The following RSL1D1 variants were observed in gnomAD, a reference collection of about 807,000 sequenced individuals.
The protein encoded by RSL1D1 is ribosomal L1 domain containing 1.
RSL1D1 carries 34 observed loss-of-function variants against 44.6 expected under a neutral mutation model. The ratio of observed to expected loss-of-function variants is 0.76; its 90% CI spans 0.58 to 1.02. RSL1D1 has a LOEUF of 1.02. Ranked by LOEUF, RSL1D1 falls within the 50% of genes least tolerant of loss-of-function variation. The pLI is 0.00. For synonymous variants in RSL1D1, 271 were observed against 207.4 expected (o/e 1.31, Z -2.63); for missense variants, 767 against 568.1 (o/e 1.35, Z -3.56).
At chr16:11,849,791 A>C (rs1315270175) in intron 2 of RSL1D1, among the ~76,000 whole-genome samples, 1 of 152,210 alleles carries the variant, frequency 6.6e-6, no homozygotes, top group Non-Finnish European at 1.5e-5. Flanking sequence ...GCTCTAAGAA[A>C]ACTGGTGAAA....
At chr16:11,838,224 G>A (rs565584325) in intron 8 of RSL1D1, 111 bp from the exon 9 acceptor site, 17 of 942,004 alleles carry the variant, frequency 1.8e-5, no homozygotes, top group Non-Finnish European at 2.3e-5. Context: ...ACTGAGTTTC[G>A]CTCTTGCTGC....
rs1170110934 is a variant in RSL1D1 at position 11,836,204 on chromosome 16, T to C, written c.*1583A>G. The C allele has an allele frequency of 6.6e-6, 1 of 152,212 alleles. No homozygotes were observed. Among genetic ancestry groups the C allele is most frequent in the Non-Finnish European group, 1.5e-5 (1 of 68,050 alleles). 9.4% of individuals were successfully genotyped at this position (152,212 alleles called of 1,614,324 possible). ...TGTGGGCTCCCAGAGCTCACGGCCT[T>C]CACAGCCTCCACCATCCCGATGGTC... On this transcript the variant is annotated 3_prime_UTR_variant, in exon 9 of 9. Transcript: ENST00000571133.
rs1000491676 is a variant in RSL1D1 at position 11,835,846 on chromosome 16, G to A, written c.*1941C>T. On this transcript the variant is annotated 3_prime_UTR_variant, in exon 9 of 9. Transcript: ENST00000571133. Reference sequence around the variant, plus strand: ...AGTCTTGGAATATGTCCAGGGTCAAGGGTCTAAAACCCCTTGTGGTCTTTG... The same window carrying A: ...AGTCTTGGAATATGTCCAGGGTCAAAGGTCTAAAACCCCTTGTGGTCTTTG... 1.4e-4 allele frequency: 21 copies of A among 152,226 alleles called. No individual in the cohort carries two copies. The highest frequency in any genetic ancestry group is 4.8e-4 in the African/African-American group (20 of 41,454). The allele number at this position is 152,226 out of a possible 1,614,324, so 9.4% of individuals were successfully genotyped here.
At chr16:11,849,170 G>C (rs1037638279) in intron 2 of RSL1D1, 1 of 152,230 alleles carries the variant, frequency 6.6e-6, no homozygotes, top group Non-Finnish European at 1.5e-5. Context: ...AGGACTGCTT[G>C]AGCCTGAGTT....
intron 1 of RSL1D1, 145 bp downstream of exon 1, chr16:11,851,263 G>C: frequency 3.9e-6 from 3 of 761,770 alleles, no homozygotes; most frequent in East Asian, 2.6e-5. Context: ...GTAAAGGGGA[G>C]AGACAGCTGA....
At chr16:11,851,365 C>T in intron 1 of RSL1D1, 43 bp downstream of exon 1, 1 of 1,583,166 alleles carries the variant, frequency 6.3e-7, no homozygotes, top group South Asian at 1.1e-5. Context: ...CACGAGGTAA[C>T]CGCCACACTG....
At position 11,851,269 on chromosome 16, in the gene RSL1D1, G is replaced by A. The variant is rs879071839; in HGVS notation, c.105+139C>T. ...CCCACGTGTGTAAAGGGGAGAGACA[G>A]CTGAGGCACACGGCCCGCCAGCGAC... is the stretch of plus-strand genomic sequence containing the variant. On this transcript the variant is annotated intron_variant, in intron 1 of 8. Coordinates refer to ENST00000571133, the MANE Select transcript of RSL1D1 (RefSeq NM_015659.3). 4 of 793,496 alleles carry A rather than the reference G, an allele frequency of 5.0e-6. No individual in the cohort carries two copies. The South Asian group carries it at 5.7e-5, about 11-fold the overall frequency. 49.2% of individuals were successfully genotyped at this position (793,496 alleles called of 1,614,324 possible).
intron 1 of RSL1D1, among the ~76,000 whole-genome samples, chr16:11,850,690 G>C (rs987111031): frequency 2.0e-5 from 3 of 152,152 alleles, no homozygotes; most frequent in African/African-American, 4.8e-5. Context: ...TAAAGAGATT[G>C]GGCTAGAGGG....
chr16:11,838,954 T>C (rs1265898746), intron 8 of RSL1D1, among the ~76,000 whole-genome samples: 2 of 151,618 alleles, frequency 1.3e-5, no homozygotes, highest in African/African-American at 2.4e-5. Context: ...GAGGGAATCC[T>C]GGAAGCACCA....
intron 8 of RSL1D1, among the ~76,000 whole-genome samples, chr16:11,839,376 C>G (rs998659634): frequency 1.4e-5 from 1 of 72,940 alleles, no homozygotes; most frequent in African/African-American, 6.0e-5. Flanking sequence ...CAAAAAAAAG[C>G]AAAGCAAAAA....
intron 8 of RSL1D1, among the ~76,000 whole-genome samples, chr16:11,839,141 G>C (rs928690651): frequency 6.6e-6 from 1 of 151,454 alleles, no homozygotes; most frequent in Non-Finnish European, 1.5e-5. Flanking sequence ...CAAGGCGGGC[G>C]GATCACCTGA....
At chr16:11,838,511 A>T (rs565292264) in intron 8 of RSL1D1, among the ~76,000 whole-genome samples, 1 of 151,946 alleles carries the variant, frequency 6.6e-6, no homozygotes, top group South Asian at 2.1e-4. Context: ...TTATTAGTTA[A>T]CCCCCAAAAG....
intron 2 of RSL1D1, among the ~76,000 whole-genome samples, 167 bp downstream of exon 2, chr16:11,850,112 C>T (rs1412464811): frequency 2.6e-5 from 4 of 152,190 alleles, no homozygotes; most frequent in Non-Finnish European, 2.9e-5. Context: ...CAGGTGTGAG[C>T]CACCACATCA....
At chr16:11,849,685 T>A (rs2053823524) in intron 2 of RSL1D1, among the ~76,000 whole-genome samples, 1 of 152,064 alleles carries the variant, frequency 6.6e-6, no homozygotes, top group African/African-American at 2.4e-5. Context: ...AATAAAAAAA[T>A]AAAATAAAAT....
intron 5 of RSL1D1, among the ~76,000 whole-genome samples, chr16:11,845,740 TAA>T (rs2053793177): frequency 6.6e-6 from 1 of 151,936 alleles, no homozygotes; most frequent in Non-Finnish European, 1.5e-5. Flanking sequence ...TTTTTTCATT[TAA>T]AGACAGTCTT....
intron 1 of RSL1D1, among the ~76,000 whole-genome samples, chr16:11,850,693 C>T (rs927393369): frequency 8.5e-5 from 13 of 152,172 alleles, no homozygotes; most frequent in Non-Finnish European, 1.5e-5. Flanking sequence ...AGAGATTGGG[C>T]TAGAGGGAAA....
rs376181021 is a variant in RSL1D1, at chr16:11,845,573, C to T, written c.635+928G>A. Among the ~76,000 whole-genome samples the T allele has an allele frequency of 1.6e-4, 25 of 152,312 alleles. No homozygotes were observed. The East Asian group carries it at 4.4e-3, about 27-fold the overall frequency. On this transcript the variant is annotated intron_variant, in intron 5 of 8. Transcript: ENST00000571133. The stretch of plus-strand genomic sequence containing the variant: ...GCCACATGTGCCTATTTTAAATTAA[C>T]TAAAAATTCAGCTTCTAACACAGTA...
rs1371193783 is a variant in RSL1D1 at position 11,836,189 on chromosome 16, C to T, written c.*1598G>A. On this transcript the variant is annotated 3_prime_UTR_variant, in exon 9 of 9. Transcript: ENST00000571133. ...ATTACCAATAAATAGTGTGGGCTCCCAGAGCTCACGGCCTTCACAGCCTCC... is the reference window on the plus strand; with the variant it reads ...ATTACCAATAAATAGTGTGGGCTCCTAGAGCTCACGGCCTTCACAGCCTCC... 2 of 152,206 alleles carry T rather than the reference C, an allele frequency of 1.3e-5. No homozygotes were observed. The highest frequency in any genetic ancestry group is 2.9e-5 in the Non-Finnish European group (2 of 68,054). 9.4% of individuals were successfully genotyped at this position (152,206 alleles called of 1,614,324 possible).
chr16:11,844,585 CA>C (rs1457616693), intron 5 of RSL1D1, among the ~76,000 whole-genome samples: 1 of 152,214 alleles, frequency 6.6e-6, no homozygotes, highest in East Asian at 1.9e-4. Context: ...CACCAGAGAC[CA>C]CCTGTCCTGC....
Sources: gnomAD v4.1 joint callset for allele counts (sites outside exome capture counted in the v4.1 genomes callset) on GRCh38, gnomAD v4.1.1 for gene constraint, MANE v1.5 for transcripts, NCBI Gene and HGNC (gene_info 2026-07-23, HGNC 2026-07-21) for gene names.